Variants in CCDC82 observed in about 807,000 individuals in gnomAD.
CCDC82 encodes the protein coiled-coil domain-containing protein 82.
CCDC82 carries 47 observed loss-of-function variants against 60.6 expected under a neutral mutation model. The ratio of observed to expected loss-of-function variants is 0.77; its 90% CI spans 0.61 to 0.99. CCDC82 has a LOEUF of 0.99. Ranked by LOEUF, CCDC82 falls within the 50% of genes least tolerant of loss-of-function variation. The pLI is 0.00. For synonymous variants in CCDC82, 212 were observed against 207.4 expected, an observed-to-expected ratio of 1.02 and a Z score of -0.19; for missense variants, 588 against 633.0, an observed-to-expected ratio of 0.93 and a Z score of 0.76.
chr11:96,358,185 T>C (rs1315362352), intron 9 of CCDC82: 1 of 994,634 alleles, frequency 1.0e-6, no homozygotes, highest in African/African-American at 1.7e-5. Context: ...TTTTCTTTTC[T>C]TTAAAAGATT....
At chr11:96,363,386 T>C (rs1276469690) in intron 8 of CCDC82, 1 of 152,222 alleles carries the variant, frequency 6.6e-6, no homozygotes, top group African/African-American at 2.4e-5. Flanking sequence ...CATTCTTCAC[T>C]TTAAAGAAAA....
intron 3 of CCDC82, chr11:96,385,031 G>T (rs1465127814): frequency 3.9e-6 from 1 of 254,898 alleles, no homozygotes. Context: ...TCCTTCAGAA[G>T]ATTATTATCT....
intron 7 of CCDC82, among the ~76,000 whole-genome samples, chr11:96,367,980 C>T (rs1865040691): frequency 6.6e-6 from 1 of 151,920 alleles, no homozygotes; most frequent in African/African-American, 2.4e-5. Context: ...ACCATAATGC[C>T]TGGCTAATTT....
intron 1 of CCDC82, chr11:96,389,461 C>A (rs1866416193): frequency 6.6e-6 from 1 of 152,422 alleles, no homozygotes; most frequent in Non-Finnish European, 1.5e-5. Context: ...AAACCGGACC[C>A]TCAGGCCAAG....
chr11:96,358,440 G>C (rs1431881690), intron 9 of CCDC82: 7 of 1,229,160 alleles, frequency 5.7e-6, no homozygotes, highest in African/African-American at 1.6e-5. Context: ...GGATATGGGG[G>C]AATCAAAATC....
intron 4 of CCDC82, 56 bp from the exon 5 acceptor site, chr11:96,383,529 C>A: frequency 1.4e-5 from 16 of 1,106,176 alleles, no homozygotes; most frequent in South Asian, 1.2e-4. Flanking sequence ...CGGTAAGCAT[C>A]GATATAAAAT....
intron 5 of CCDC82, chr11:96,382,840 C>A (rs1241595118): frequency 6.5e-6 from 1 of 154,062 alleles, no homozygotes; most frequent in East Asian, 1.9e-4. Flanking sequence ...ATATAAGAAT[C>A]TAGCTGGCTT....
Position 96,384,553 on chromosome 11 carries a change from T to C in CCDC82, c.195A>G (p.Glu65=). The C allele has an allele frequency of 6.2e-7, 1 of 1,613,698 alleles. No individual in the cohort carries two copies. Among genetic ancestry groups the C allele is most frequent in the Non-Finnish European group, 8.5e-7 (1 of 1,179,750 alleles). Residue 65 remains glutamate, a synonymous_variant, in exon 4 of 10, where the codon GAA becomes GAG. Transcript: ENST00000646818. ...LDSDESFEND[E]ELDSNKGPDC... ...CAGGTCCCTTGTTACTATCAAGCTC[T>C]TCATCATTTTCAAAACTTTCATCAC...
chr11:96,353,707 C>T lies in CCDC82; in HGVS notation c.1574G>A (p.Gly525Asp). 6.2e-7 allele frequency: 1 copy of T among 1,608,660 alleles called. No individual in the cohort carries two copies. Among genetic ancestry groups the T allele is most frequent in the Non-Finnish European group, 8.5e-7 (1 of 1,177,436 alleles). Reference protein sequence around the residue: ...KENGWIKEKYGQLEEYLNFAD... With the variant: ...KENGWIKEKYDQLEEYLNFAD... ...AAAATTGAGATATTCTTCAAGTTGACCATATTTCTGCATATACAATAGAAA... is the reference window on the plus strand; with the variant it reads ...AAAATTGAGATATTCTTCAAGTTGATCATATTTCTGCATATACAATAGAAA... The change falls in exon 10 of 10, where the codon GGT (glycine) becomes GAT (aspartate). Residue 525 changes from glycine to aspartate, a missense_variant. Gly to Asp is a moderately conservative substitution (Grantham distance 94, BLOSUM62 -1). Transcript: ENST00000646818.
chr11:96,374,172 G>T lies in CCDC82; in HGVS notation c.992-705C>A, dbSNP rs183634037. Reference sequence around the variant, plus strand: ...CTCTATCAACCACGACCCATTCCTTGATCCAACAGTCACTGTAGAATACAT... The same window carrying T: ...CTCTATCAACCACGACCCATTCCTTTATCCAACAGTCACTGTAGAATACAT... On this transcript the variant is annotated intron_variant, in intron 5 of 9. Coordinates refer to ENST00000646818, the MANE Select transcript of CCDC82 (RefSeq NM_024725.4). 4.1e-3 allele frequency among the ~76,000 whole-genome samples: 617 copies of T among 152,260 alleles called. 3 individuals carry two copies. The highest frequency in any genetic ancestry group is 0.014 in the African/African-American group (585 of 41,566).
intron 5 of CCDC82, among the ~76,000 whole-genome samples, chr11:96,376,038 A>G (rs916221504): frequency 6.6e-6 from 1 of 152,174 alleles, no homozygotes; most frequent in Non-Finnish European, 1.5e-5. Flanking sequence ...AGTTTTCCCC[A>G]TGACTATTTA....
At chr11:96,367,412 G>C (rs1216067588) in intron 7 of CCDC82, among the ~76,000 whole-genome samples, 1 of 152,202 alleles carries the variant, frequency 6.6e-6, no homozygotes, top group Non-Finnish European at 1.5e-5. Context: ...AACAATGTTT[G>C]TAGTATCTTT....
At chr11:96,383,881 A>T in intron 4 of CCDC82, 81 bp downstream of exon 4, 2 of 1,235,860 alleles carry the variant, frequency 1.6e-6, no homozygotes, top group Non-Finnish European at 2.2e-6. Context: ...AATGGAACGG[A>T]CTCAGCACTT....
intron 9 of CCDC82, chr11:96,356,359 A>G (rs1163387445): frequency 1.4e-6 from 1 of 717,632 alleles, no homozygotes; most frequent in Non-Finnish European, 1.7e-6. Flanking sequence ...GTATATGACA[A>G]TATTTATCAG....
chr11:96,382,992 A>G (rs2136199839), intron 5 of CCDC82: 1 of 284,916 alleles, frequency 3.5e-6, no homozygotes, highest in East Asian at 6.1e-5. Flanking sequence ...AAATGAATTA[A>G]TAAATATATT....
At chr11:96,357,018 C>T in intron 9 of CCDC82, 2 of 985,396 alleles carry the variant, frequency 2.0e-6, no homozygotes, top group Non-Finnish European at 2.4e-6. Flanking sequence ...TAACACTGAG[C>T]CCCAGGCATT....
chr11:96,374,248 C>T (rs544179827), intron 5 of CCDC82, among the ~76,000 whole-genome samples: 5 of 152,186 alleles, frequency 3.3e-5, no homozygotes, highest in South Asian at 2.1e-4. Flanking sequence ...CTGAGTATTT[C>T]GAGAAATATA....
chr11:96,375,869 C>T (rs1383974226), intron 5 of CCDC82, among the ~76,000 whole-genome samples: 1 of 152,168 alleles, frequency 6.6e-6, no homozygotes, highest in East Asian at 1.9e-4. Flanking sequence ...GACAAAATAA[C>T]TTATCCAAGG....
At chr11:96,359,984 ACT>A (rs1346402727) in intron 8 of CCDC82, among the ~76,000 whole-genome samples, 1 of 151,222 alleles carries the variant, frequency 6.6e-6, no homozygotes, top group East Asian at 1.9e-4. Context: ...ATGATTAAGA[ACT>A]CTTTTTATGA....
Sources: allele counts gnomAD v4.1 joint callset (sites outside exome capture counted in the v4.1 genomes callset), GRCh38; gene constraint gnomAD v4.1.1; transcripts MANE v1.5; gene names NCBI Gene and HGNC (gene_info 2026-07-23, HGNC 2026-07-21).